Variants in SIPA1L2 observed in about 807,000 individuals in gnomAD.
SIPA1L2 encodes the protein signal-induced proliferation-associated 1-like protein 2.
A neutral mutation model predicts 163.9 loss-of-function variants in SIPA1L2; 56 were observed. The ratio of observed to expected loss-of-function variants is 0.34; its 90% confidence interval spans 0.28 to 0.43. SIPA1L2 has a LOEUF of 0.43. SIPA1L2 is among the 20% of genes least tolerant of loss of function. The probability of loss-of-function intolerance (pLI) is 1.00; values close to 1 mark genes in which losing one functional copy is unlikely to be tolerated. For missense variants in SIPA1L2, 1,974 were observed against 2,193.5 expected (o/e 0.90, Z 2.00); for synonymous variants, 877 against 865.7 (o/e 1.01, Z -0.23).
intron 2 of SIPA1L2, among the ~76,000 whole-genome samples, chr1:232,516,879 T>G (rs1667241365): frequency 6.6e-6 from 1 of 152,200 alleles, no homozygotes; most frequent in Admixed American, 6.5e-5. Context: ...GGTAAAGTGA[T>G]TCTTTCATTC....
rs1299913416 is a variant in SIPA1L2 at position 232,490,874 on chromosome 1, C to T, written c.1806G>A (p.Gly602=). The T allele has an allele frequency of 1.9e-6, 3 of 1,612,458 alleles. No individual in the cohort carries two copies. The Admixed American group carries it at 5.0e-5, about 27-fold the overall frequency. Residue 602 remains glycine, a splice_region_variant and synonymous_variant, in exon 5 of 23, where the codon GGG becomes GGA. Transcript: ENST00000674635. ...ACATACAATCTCACATTATACACAC[C>T]CCTTGTTCATCAAGCTTGAGCAGCT... The part of the protein sequence containing the change: ...SEQLLKLDEQ[G]LSFQHKIGIL...
intron 2 of SIPA1L2, among the ~76,000 whole-genome samples, chr1:232,560,077 C>T (rs1193933940): frequency 1.3e-5 from 2 of 152,178 alleles, no homozygotes; most frequent in African/African-American, 4.8e-5. Flanking sequence ...ACTTTCAGGG[C>T]CCACAAAGGA....
At chr1:232,545,103 T>C (rs966538155) in intron 2 of SIPA1L2, among the ~76,000 whole-genome samples, 1 of 152,184 alleles carries the variant, frequency 6.6e-6, no homozygotes. Flanking sequence ...ATAAGATATT[T>C]CAATTTGTAA....
At chr1:232,484,652 G>A (rs1324578610) in intron 5 of SIPA1L2, among the ~76,000 whole-genome samples, 2 of 152,218 alleles carry the variant, frequency 1.3e-5, no homozygotes, top group Non-Finnish European at 2.9e-5. Flanking sequence ...AGGAGCTCCT[G>A]CTGTAATCCT....
At chr1:232,582,176 A>AT (rs150817092) in intron 1 of SIPA1L2, among the ~76,000 whole-genome samples, 2 of 151,438 alleles carry the variant, frequency 1.3e-5, no homozygotes, top group Non-Finnish European at 2.9e-5. Context: ...TTTTTCCATA[A>AT]TTTTTTTTTC....
chr1:232,506,447 C>A (rs1047021592), intron 3 of SIPA1L2, among the ~76,000 whole-genome samples: 2 of 152,010 alleles, frequency 1.3e-5, no homozygotes, highest in African/African-American at 4.8e-5. Flanking sequence ...GTCATTTGCC[C>A]GCCATTCACA....
In SIPA1L2 at chr1:232,564,865, T is replaced by C. The variant is rs113066006; in HGVS notation, c.-270+9309A>G. ...CCTGAACAACGAGAACACATGGACA[T>C]AGGGAGGGGAATGACACACACTGAG... On this transcript the variant is annotated intron_variant, in intron 2 of 22. Coordinates refer to ENST00000674635, the MANE Select transcript of SIPA1L2 (RefSeq NM_020808.5). Among the ~76,000 whole-genome samples, 192 of 151,782 alleles carry C rather than the reference T, an allele frequency of 1.3e-3. 2 individuals are homozygous for C. Among genetic ancestry groups the C allele is most frequent in the African/African-American group, 4.3e-3 (178 of 41,380 alleles).
intron 3 of SIPA1L2, among the ~76,000 whole-genome samples, chr1:232,509,682 G>C (rs1219729949): frequency 2.0e-5 from 3 of 152,214 alleles, no homozygotes; most frequent in African/African-American, 7.2e-5. Flanking sequence ...CCACCTCACT[G>C]TACTTTTCAC....
At chr1:232,572,824 G>A (rs1166771149) in intron 2 of SIPA1L2, among the ~76,000 whole-genome samples, 1 of 148,174 alleles carries the variant, frequency 6.7e-6, no homozygotes, top group Non-Finnish European at 1.5e-5. Flanking sequence ...AGCTGCCCAG[G>A]CTGGAGTGCA....
chr1:232,588,801 G>A (rs1457180452), intron 1 of SIPA1L2, among the ~76,000 whole-genome samples: 5 of 152,188 alleles, frequency 3.3e-5, no homozygotes, highest in African/African-American at 4.8e-5. Flanking sequence ...AAAGATATTC[G>A]CAAAAAATAA....
At chr1:232,505,011 C>A (rs1266591977) in intron 3 of SIPA1L2, among the ~76,000 whole-genome samples, 3 of 152,066 alleles carry the variant, frequency 2.0e-5, no homozygotes, top group Admixed American at 6.6e-5. Context: ...AAAGATGAGA[C>A]AACAAATGTA....
intron 4 of SIPA1L2, among the ~76,000 whole-genome samples, chr1:232,491,625 G>A (rs555495152): frequency 6.6e-6 from 1 of 152,234 alleles, no homozygotes; most frequent in East Asian, 1.9e-4. Flanking sequence ...CTTTTTAGAT[G>A]TCCTCAAATT....
At chr1:232,557,721 A>C (rs762067312) in intron 2 of SIPA1L2, among the ~76,000 whole-genome samples, 1 of 152,196 alleles carries the variant, frequency 6.6e-6, no homozygotes, top group East Asian at 1.9e-4. Flanking sequence ...TGTCTATCCC[A>C]CTAGACTGAG....
chr1:232,506,632 C>T (rs1307451185), intron 3 of SIPA1L2, among the ~76,000 whole-genome samples: 1 of 152,188 alleles, frequency 6.6e-6, no homozygotes, highest in Non-Finnish European at 1.5e-5. Flanking sequence ...GCAGGATTTA[C>T]ATACAACATA....
intron 1 of SIPA1L2, among the ~76,000 whole-genome samples, chr1:232,627,246 A>G (rs891037745): frequency 6.6e-6 from 1 of 152,244 alleles, no homozygotes; most frequent in African/African-American, 2.4e-5. Context: ...GGCTGTATCC[A>G]CATAAACACA....
chr1:232,397,972 T>C lies in SIPA1L2; in HGVS notation c.*1155A>G, dbSNP rs530954239. The C allele has an allele frequency of 1.3e-5, 2 of 152,780 alleles. No individual in the cohort carries two copies. Among genetic ancestry groups the C allele is most frequent in the East Asian group, 3.9e-4 (2 of 5,190 alleles). The allele number at this position is 152,780 out of a possible 1,614,324, so 9.5% of individuals were successfully genotyped here. A position where few individuals can be genotyped will look rare whatever the true frequency, so the allele number is the denominator to read the frequency against. ...AGTCACCTGACAACACCATTTCTTA[T>C]GTGGACTTCTTTTAAACATTTATTA... On this transcript the variant is annotated 3_prime_UTR_variant, in exon 23 of 23. Coordinates refer to ENST00000674635, the MANE Select transcript of SIPA1L2 (RefSeq NM_020808.5).
rs116048202 is a variant in SIPA1L2, at chr1:232,428,997, G to A, written c.4257-433C>T. Among the ~76,000 whole-genome samples, 1,117 of 152,278 alleles carry A rather than the reference G, an allele frequency of 7.3e-3. 9 individuals carry two copies. Among genetic ancestry groups the A allele is most frequent in the African/African-American group, 0.024 (1,005 of 41,554 alleles). On this transcript the variant is annotated intron_variant, in intron 16 of 22. Transcript: ENST00000674635. ...CCAGGCAACAGAGAGGAAGCCACCC[G>A]AGGGAGCCCGGGGTTTACGAGTCAT...
intron 1 of SIPA1L2, among the ~76,000 whole-genome samples, chr1:232,584,655 A>T (rs947636766): frequency 4.0e-5 from 6 of 151,696 alleles, no homozygotes; most frequent in Non-Finnish European, 8.8e-5. Context: ...AATGATTTTC[A>T]GTGAACCTTT....
At chr1:232,510,946 G>A (rs913436477) in intron 3 of SIPA1L2, among the ~76,000 whole-genome samples, 1 of 152,176 alleles carries the variant, frequency 6.6e-6, no homozygotes, top group Non-Finnish European at 1.5e-5. Context: ...CAGCTAGCCA[G>A]AATGACTAAT....
Sources: allele counts gnomAD v4.1 joint callset (sites outside exome capture counted in the v4.1 genomes callset), GRCh38; gene constraint gnomAD v4.1.1; transcripts MANE v1.5; gene names NCBI Gene and HGNC (gene_info 2026-07-23, HGNC 2026-07-21).